The following SLIT1 variants were observed in gnomAD, a reference collection of about 807,000 sequenced individuals.
The protein encoded by SLIT1 is slit guidance ligand 1, also known as slit homolog 1 protein.
A neutral mutation model predicts 186.1 loss-of-function variants in SLIT1; 66 were observed. The ratio of observed to expected loss-of-function variants is 0.35; its 90% CI spans 0.29 to 0.44. The LOEUF (loss-of-function observed/expected upper bound fraction) is 0.44. SLIT1 is among the 20% of genes least tolerant of loss of function. The pLI, the probability that SLIT1 is intolerant of heterozygous loss-of-function variation, is 1.00. For missense variants in SLIT1, 1,638 were observed against 2,037.4 expected, an observed-to-expected ratio of 0.80 and a Z score of 3.77; for synonymous variants, 761 against 833.8, an observed-to-expected ratio of 0.91 and a Z score of 1.50.
At chr10:97,160,319 T>C (rs1344207814) in intron 3 of SLIT1, among the ~76,000 whole-genome samples, 1 of 152,212 alleles carries the variant, frequency 6.6e-6, no homozygotes, top group Non-Finnish European at 1.5e-5. Flanking sequence ...ATGAATGAAA[T>C]GCTAGTGGAA....
Position 97,004,265 on chromosome 10 carries a change from G to GTT in SLIT1, c.3711-44_3711-43insAA. On this transcript the variant is annotated intron_variant, in intron 33 of 36. Transcript: ENST00000266058. The surrounding 1 kb of genome is among the most constrained non-coding windows in gnomAD (Gnocchi z 5.1). ...TCCCCGTTCCAGGGAGTGGGCATCA[G>GTT]TCTGGACCATCCCTGCCTGGGCACT... 6.3e-7 allele frequency: 1 copy of GTT among 1,576,156 alleles called. No individual in the cohort carries two copies. The highest frequency in any genetic ancestry group is 8.7e-7 in the Non-Finnish European group (1 of 1,152,430).
In SLIT1 at chr10:97,006,769, T is replaced by TACTCC; in HGVS notation, c.3342-50_3342-49insGGAGT. 27 of 1,255,110 alleles carry TACTCC rather than the reference T, an allele frequency of 2.2e-5. No individual in the cohort carries two copies. Among genetic ancestry groups the TACTCC allele is most frequent in the Non-Finnish European group, 2.7e-5 (23 of 858,702 alleles). The allele number at this position is 1,255,110 out of a possible 1,614,324, so 77.7% of individuals were successfully genotyped here. A position where few individuals can be genotyped will look rare whatever the true frequency, so the allele number is the denominator to read the frequency against. ...GAGAGGGCCAAGGAGGAAGGGAGTA[T>TACTCC]CTTCCTCTCCCACAGCCCTGGAGAG... On this transcript the variant is annotated intron_variant, in intron 31 of 36. Transcript: ENST00000266058. This position sits in a 1 kb window ranked among gnomAD's most constrained non-coding sequence, Gnocchi z 4.0.
rs752792181 is a variant in SLIT1 at position 97,006,718 on chromosome 10, C to A, written c.3344G>T (p.Gly1115Val). 3 of 1,610,410 alleles carry A rather than the reference C, an allele frequency of 1.9e-6. No homozygotes were observed. The highest frequency in any genetic ancestry group is 2.5e-6 in the Non-Finnish European group (3 of 1,176,884). ...ATGGGGAGGGATCTCACAGAGCTGT[C>A]CACTGAGAGGAAAGGACATAAGTCA... ...YSCLCAEGYS[G>V]QLCEIPPHLP... Residue 1115 changes from glycine to valine, a missense_variant and splice_region_variant, in exon 32 of 37, where the codon GGA becomes GTA. Around this residue, in one of 3 missense-constraint regions of SLIT1, gnomAD observed 1,245 missense variants for 1,535.3 expected, o/e 0.81. Transcript: ENST00000266058. The surrounding 1 kb of genome is among the most constrained non-coding windows in gnomAD (Gnocchi z 4.0).
chr10:97,162,341 G>A (rs956905396), intron 3 of SLIT1, among the ~76,000 whole-genome samples: 13 of 152,192 alleles, frequency 8.5e-5, no homozygotes, highest in Admixed American at 5.2e-4. Context: ...CAGGCACGGT[G>A]GCTCACGCCT....
chr10:97,161,107 C>A (rs995407865), intron 3 of SLIT1, among the ~76,000 whole-genome samples: 1 of 152,142 alleles, frequency 6.6e-6, no homozygotes, highest in Non-Finnish European at 1.5e-5. Flanking sequence ...ACAACTCAGG[C>A]GGCGACCATT....
At chr10:97,051,648 A>G (rs1187633731) in intron 13 of SLIT1, among the ~76,000 whole-genome samples, 1 of 152,098 alleles carries the variant, frequency 6.6e-6, no homozygotes, top group Non-Finnish European at 1.5e-5. Context: ...CGTCTCTACT[A>G]AAAATACAAA....
rs1255356787 is a variant in SLIT1, at chr10:97,063,448, C to T, written c.793+7G>A. 3 of 1,612,334 alleles carry T rather than the reference C, an allele frequency of 1.9e-6. No homozygotes were observed. Among genetic ancestry groups the T allele is most frequent in the African/African-American group, 1.3e-5 (1 of 74,968 alleles). ...CAGTTGAGAGCCCGGCAGGGGTCTGCACCCACCTGAGCAGCTGAACTCACT... is the reference window on the plus strand; with the variant it reads ...CAGTTGAGAGCCCGGCAGGGGTCTGTACCCACCTGAGCAGCTGAACTCACT... On this transcript the variant is annotated splice_region_variant and intron_variant, in intron 8 of 36. Transcript: ENST00000266058.
At chr10:97,164,656 T>C (rs951157892) in intron 2 of SLIT1, among the ~76,000 whole-genome samples, 163 bp downstream of exon 2, 2 of 151,818 alleles carry the variant, frequency 1.3e-5, no homozygotes, top group South Asian at 2.1e-4. Context: ...GACTCAAGAC[T>C]CAACATCACC....
chr10:97,021,377 G>A lies in SLIT1; in HGVS notation c.2619C>T (p.His873=), dbSNP rs1248844395. 1 of 1,614,164 alleles carries A rather than the reference G, an allele frequency of 6.2e-7. No individual in the cohort carries two copies. Among genetic ancestry groups the A allele is most frequent in the East Asian group, 2.2e-5 (1 of 44,880 alleles). ...TCACCCAGCTGGACAGCCAGCGGAG[G>A]TGGCAGTCACAGTATAGGGGGTTGG... The part of the protein sequence containing the change: ...IGANPLYCDC[H]LRWLSSWVKT... The change falls in exon 26 of 37, where the codon CAC becomes CAT. Residue 873 remains histidine (H), a synonymous_variant. Transcript: ENST00000266058. The surrounding 1 kb of genome is among the most constrained non-coding windows in gnomAD (Gnocchi z 4.5).
At chr10:97,020,791 T>A (rs1049154783) in intron 26 of SLIT1, among the ~76,000 whole-genome samples, 2 of 152,240 alleles carry the variant, frequency 1.3e-5, no homozygotes, top group African/African-American at 4.8e-5. Flanking sequence ...ATGCCCACAG[T>A]GGAGGGTCCC....
intron 21 of SLIT1, among the ~76,000 whole-genome samples, chr10:97,038,168 G>A (rs989393760): frequency 1.3e-5 from 2 of 152,096 alleles, no homozygotes; most frequent in African/African-American, 2.4e-5. Context: ...CCACCTGCTG[G>A]CATGGGCTGT....
At chr10:97,171,888 A>G (rs2134737793) in intron 1 of SLIT1, among the ~76,000 whole-genome samples, 1 of 151,636 alleles carries the variant, frequency 6.6e-6, no homozygotes, top group Middle Eastern at 3.4e-3. Context: ...CCACCAACCC[A>G]GCCTGCCCCA....
chr10:97,021,516 T>G lies in SLIT1; in HGVS notation c.2583-103A>C. On this transcript the variant is annotated intron_variant, in intron 25 of 36. Transcript: ENST00000266058. The surrounding 1 kb of genome is among the most constrained non-coding windows in gnomAD (Gnocchi z 4.5). Reference sequence around the variant, plus strand: ...ACTGCACCAGGGGCTGGCAAAAATCTTAGCCTCCATTTCATGAGCATTTAC... The same window carrying G: ...ACTGCACCAGGGGCTGGCAAAAATCGTAGCCTCCATTTCATGAGCATTTAC... 9.7e-7 allele frequency: 1 copy of G among 1,025,722 alleles called. No homozygotes were observed. The highest frequency in any genetic ancestry group is 1.4e-6 in the Non-Finnish European group (1 of 708,732). 63.5% of individuals were successfully genotyped at this position (1,025,722 alleles called of 1,614,324 possible). A position where few individuals can be genotyped will look rare whatever the true frequency, so the allele number is the denominator to read the frequency against.
chr10:97,152,278 T>C (rs1033211368), intron 4 of SLIT1, among the ~76,000 whole-genome samples: 13 of 151,582 alleles, frequency 8.6e-5, no homozygotes, highest in Admixed American at 7.9e-4. Context: ...CAAAACCCTG[T>C]TGGGGGAAGG....
chr10:97,128,750 G>T (rs775932788), intron 4 of SLIT1, among the ~76,000 whole-genome samples: 1 of 152,184 alleles, frequency 6.6e-6, no homozygotes, highest in Non-Finnish European at 1.5e-5. Context: ...GAGGAAAGGA[G>T]AGGATGTGTT....
chr10:97,059,379 C>T (rs1266732800), intron 11 of SLIT1, 81 bp downstream of exon 11: 4 of 1,151,272 alleles, frequency 3.5e-6, no homozygotes, highest in Admixed American at 1.7e-5. Context: ...CCTCCTCCTG[C>T]ATCCACCAGG....
intron 1 of SLIT1, among the ~76,000 whole-genome samples, chr10:97,170,646 G>C (rs10882868): frequency 0.23 from 34,641 of 152,224 alleles, 4,141 homozygotes; most frequent in Non-Finnish European, 0.25. Flanking sequence ...CCCCAAGGAG[G>C]AAAAATGCTC....
intron 4 of SLIT1, among the ~76,000 whole-genome samples, chr10:97,140,603 C>CG (rs1038421235): frequency 3.9e-5 from 6 of 152,114 alleles, no homozygotes; most frequent in African/African-American, 9.7e-5. Flanking sequence ...CGCGATCGGC[C>CG]GACAGAAGGG....
intron 4 of SLIT1, among the ~76,000 whole-genome samples, chr10:97,073,704 AAGCCCAC>A (rs1849021423): frequency 6.6e-6 from 1 of 152,132 alleles, no homozygotes; most frequent in African/African-American, 2.4e-5. Context: ...GCTGAGGACA[AAGCCCAC>A]AGCTGGGTGT....
Sources: gnomAD v4.1 joint callset for allele counts (sites outside exome capture counted in the v4.1 genomes callset) on GRCh38, gnomAD v4.1.1 for gene constraint, gnomAD v4.1.1 regional missense constraint, Gnocchi (gnomAD v3.1) non-coding constraint, MANE v1.5 for transcripts, NCBI Gene and HGNC (gene_info 2026-07-23, HGNC 2026-07-21) for gene names.